Variants in ZSCAN25 observed in about 807,000 individuals in gnomAD.
ZSCAN25 encodes zinc finger and SCAN domain containing 25, also known as zinc finger and SCAN domain-containing protein 25.
In ZSCAN25, 27 loss-of-function variants were observed where a neutral mutation model predicts 38.7. The observed-to-expected ratio is 0.70, with a 90% confidence interval of 0.51 to 0.96. The LOEUF (loss-of-function observed/expected upper bound fraction) is 0.96. ZSCAN25 is among the 40% of genes least tolerant of loss of function. The pLI is 0.00. For missense variants in ZSCAN25, 637 were observed against 705.9 expected (o/e 0.90, Z 1.11); for synonymous variants, 273 against 277.7 (o/e 0.98, Z 0.17).
chr7:99,619,095 T>C lies in ZSCAN25; in HGVS notation c.-84T>C, dbSNP rs1450863877. The C allele has an allele frequency of 1.3e-5, 2 of 152,568 alleles. No individual in the cohort carries two copies. Among genetic ancestry groups the C allele is most frequent in the South Asian group, 2.1e-4 (1 of 4,840 alleles). 9.5% of individuals were successfully genotyped at this position (152,568 alleles called of 1,614,324 possible). ...TTAAAAGAGTTGCTTCCATTTGACTTTTTCTGTCTGCTGTACCAGCATATG... is the reference window on the plus strand; with the variant it reads ...TTAAAAGAGTTGCTTCCATTTGACTCTTTCTGTCTGCTGTACCAGCATATG... On this transcript the variant is annotated 5_prime_UTR_variant, in exon 3 of 8. Transcript: ENST00000394152.
the ZSCAN25 span, among the ~76,000 whole-genome samples, chr7:99,656,832 T>G: frequency 7.9e-5 from 12 of 152,320 alleles, no homozygotes; most frequent in South Asian, 4.1e-4. Context: ...GTCGAGGAAT[T>G]TATCCATTTC....
the ZSCAN25 span, among the ~76,000 whole-genome samples, chr7:99,720,119 C>T: frequency 3.9e-4 from 59 of 152,274 alleles, no homozygotes; most frequent in South Asian, 0.012. Context: ...ATTTCCTGTA[C>T]TGCAGTAATG....
At chr7:99,637,725 C>T in the ZSCAN25 span, among the ~76,000 whole-genome samples, 1 of 151,922 alleles carries the variant, frequency 6.6e-6, no homozygotes, top group Non-Finnish European at 1.5e-5. Flanking sequence ...TAAGTTAGAA[C>T]TCATAAGAAA....
the ZSCAN25 span, among the ~76,000 whole-genome samples, chr7:99,688,117 C>T: frequency 2.8e-4 from 43 of 152,198 alleles, no homozygotes; most frequent in Admixed American, 2.4e-3. Context: ...CATCAACTAA[C>T]GAGCAAAATA....
downstream of ZSCAN25, among the ~76,000 whole-genome samples, chr7:99,632,595 G>T (rs1274609525): frequency 6.6e-6 from 1 of 152,148 alleles, no homozygotes; most frequent in Non-Finnish European, 1.5e-5. Context: ...AGAGGAGTTC[G>T]AGACCAGCCT....
chr7:99,686,180 C>T, the ZSCAN25 span, among the ~76,000 whole-genome samples: 1 of 152,160 alleles, frequency 6.6e-6, no homozygotes, highest in African/African-American at 2.4e-5. Flanking sequence ...GTGCAGCGTG[C>T]TGTGCACAAG....
the ZSCAN25 span, chr7:99,666,688 A>G: frequency 5.4e-5 from 87 of 1,614,142 alleles, no homozygotes; most frequent in Non-Finnish European, 7.3e-5. Flanking sequence ...GATGGGGAAC[A>G]TCTAAGCACA....
At chr7:99,642,707 C>T in the ZSCAN25 span, among the ~76,000 whole-genome samples, 1 of 152,194 alleles carries the variant, frequency 6.6e-6, no homozygotes, top group Non-Finnish European at 1.5e-5. Context: ...CTTTGTAGCC[C>T]TTACCATTAT....
the ZSCAN25 span, among the ~76,000 whole-genome samples, chr7:99,687,399 A>T: frequency 6.6e-6 from 1 of 152,250 alleles, no homozygotes; most frequent in Non-Finnish European, 1.5e-5. Context: ...AGCTGATGCG[A>T]TCAACTGGAA....
At chr7:99,627,382 C>T (rs1019212165) in intron 7 of ZSCAN25, among the ~76,000 whole-genome samples, 2 of 152,020 alleles carry the variant, frequency 1.3e-5, no homozygotes, top group African/African-American at 4.8e-5. Context: ...TGAAAACTAC[C>T]CAAATGAACA....
chr7:99,632,102 CAAGTT>C lies in ZSCAN25; in HGVS notation c.*2083_*2087del. 2 of 985,422 alleles carry C rather than the reference CAAGTT, an allele frequency of 2.0e-6. No individual in the cohort carries two copies. The highest frequency in any genetic ancestry group is 9.4e-5 in the South Asian group (2 of 21,280). The allele number at this position is 985,422 out of a possible 1,614,324, so 61.0% of individuals were successfully genotyped here. The stretch of plus-strand genomic sequence containing the variant: ...CAGCCAGCATTCCTCTGGGTTTCAG[CAAGTT>C]GGCATATCTTAAGCTTCAGAAGGAG... On this transcript the variant is annotated 3_prime_UTR_variant, in exon 8 of 8. Transcript: ENST00000394152.
chr7:99,723,118 T>G, the ZSCAN25 span, among the ~76,000 whole-genome samples: 1 of 152,172 alleles, frequency 6.6e-6, no homozygotes, highest in Admixed American at 6.5e-5. Flanking sequence ...GGGGTACATC[T>G]ACTAAAGATT....
chr7:99,620,741 C>A (rs1186874354), intron 4 of ZSCAN25: 1 of 152,172 alleles, frequency 6.6e-6, no homozygotes, highest in Non-Finnish European at 1.5e-5. Flanking sequence ...AGAGAGTCCT[C>A]CTGATTTTTC....
At chr7:99,650,393 G>T in the ZSCAN25 span, among the ~76,000 whole-genome samples, 1 of 152,068 alleles carries the variant, frequency 6.6e-6, no homozygotes, top group Non-Finnish European at 1.5e-5. Flanking sequence ...TGGTTATTTC[G>T]TTATAATCAT....
chr7:99,643,368 A>G, the ZSCAN25 span, among the ~76,000 whole-genome samples: 3 of 152,270 alleles, frequency 2.0e-5, no homozygotes, highest in South Asian at 2.1e-4. Context: ...AAGTCTCCTT[A>G]CAAACCAGCA....
At chr7:99,719,374 A>G in the ZSCAN25 span, among the ~76,000 whole-genome samples, 1 of 152,214 alleles carries the variant, frequency 6.6e-6, no homozygotes, top group African/African-American at 2.4e-5. Flanking sequence ...TTTTAACAAT[A>G]TGCCCACATT....
At chr7:99,711,739 G>T in the ZSCAN25 span, among the ~76,000 whole-genome samples, 2 of 152,092 alleles carry the variant, frequency 1.3e-5, no homozygotes, top group African/African-American at 4.8e-5. Context: ...TTGCACTCCA[G>T]CCTGGGCAAC....
In ZSCAN25 at chr7:99,619,689, C is replaced by T; in HGVS notation, c.83C>T (p.Pro28Leu). The change falls in exon 4 of 8, where the codon CCA becomes CTA. Residue 28 changes from proline to leucine, a missense_variant. By Grantham distance (98) the Pro-to-Leu change is moderately conservative (BLOSUM62 -3). Coordinates refer to ENST00000394152, the MANE Select transcript of ZSCAN25 (RefSeq NM_145115.3). Reference protein sequence around the residue: ...IPVVKLEKELPWGRGREDPSP... With the variant: ...IPVVKLEKELLWGRGREDPSP... ...GTGGTGAAACTGGAGAAAGAGTTGC[C>T]ATGGGGCAGAGGAAGGGAGGACCCT... 6.2e-7 allele frequency: 1 copy of T among 1,614,220 alleles called. No homozygotes were observed.
chr7:99,671,605 G>T, the ZSCAN25 span: 19 of 477,696 alleles, frequency 4.0e-5, no homozygotes, highest in African/African-American at 3.7e-4. Context: ...GGGTAATAGA[G>T]TTACATTTTG....
Sources: allele counts gnomAD v4.1 joint callset (sites outside exome capture counted in the v4.1 genomes callset), GRCh38; gene constraint gnomAD v4.1.1; transcripts MANE v1.5; gene names NCBI Gene and HGNC (gene_info 2026-07-23, HGNC 2026-07-21).